The following AGBL4 variants were observed in gnomAD, a reference collection of about 807,000 sequenced individuals.
The protein encoded by AGBL4 is AGBL carboxypeptidase 4.
AGBL4 carries 58 observed loss-of-function variants against 66.4 expected under a neutral mutation model. That is an observed-to-expected ratio of 0.87 (90% CI 0.71 to 1.09). The LOEUF (loss-of-function observed/expected upper bound fraction) is 1.09. Among genes scored for constraint, AGBL4 ranks in the 50% least tolerant of loss-of-function variants. The pLI is 0.00. For missense variants in AGBL4, 579 were observed against 631.0 expected (o/e 0.92, Z 0.88); for synonymous variants, 234 against 222.9 (o/e 1.05, Z -0.44).
intron 12 of AGBL4, among the ~76,000 whole-genome samples, chr1:48,535,476 C>T (rs553931338): frequency 4.6e-5 from 7 of 152,242 alleles, no homozygotes; most frequent in African/African-American, 1.7e-4. Context: ...CGCTTTTTCT[C>T]TATAATTCCT....
At chr1:49,102,051 C>G (rs1047146516) in intron 4 of AGBL4, among the ~76,000 whole-genome samples, 7 of 150,788 alleles carry the variant, frequency 4.6e-5, no homozygotes, top group Admixed American at 6.6e-5. Flanking sequence ...GAGAGAGAGA[C>G]AGAGAAGGGA....
chr1:49,934,898 T>C (rs1653779668), intron 1 of AGBL4, among the ~76,000 whole-genome samples: 1 of 151,302 alleles, frequency 6.6e-6, no homozygotes, highest in Non-Finnish European at 1.5e-5. Context: ...GCTCCCAACG[T>C]GAGCGATACA....
At chr1:49,451,285 A>G (rs925255390) in intron 3 of AGBL4, among the ~76,000 whole-genome samples, 1 of 152,002 alleles carries the variant, frequency 6.6e-6, no homozygotes, top group African/African-American at 2.4e-5. Context: ...TAAAGGACTC[A>G]TGTGATTAGG....
intron 6 of AGBL4, among the ~76,000 whole-genome samples, chr1:48,699,772 G>A (rs888381594): frequency 7.4e-4 from 113 of 152,032 alleles, no homozygotes; most frequent in African/African-American, 8.7e-4. Flanking sequence ...CTTCCTTCCC[G>A]TTTCTATCTT....
At chr1:49,704,277 T>C (rs1000612521) in intron 2 of AGBL4, among the ~76,000 whole-genome samples, 15 of 152,216 alleles carry the variant, frequency 9.9e-5, no homozygotes, top group African/African-American at 3.4e-4. Context: ...TTCAAAATGA[T>C]AGACCTTTAC....
chr1:48,629,643 A>G (rs1245439539), intron 9 of AGBL4, among the ~76,000 whole-genome samples: 1 of 152,118 alleles, frequency 6.6e-6, no homozygotes, highest in African/African-American at 2.4e-5. Context: ...AGTGGGGGGT[A>G]AAATGGGGTA....
intron 2 of AGBL4, among the ~76,000 whole-genome samples, chr1:49,767,070 C>G (rs1374166006): frequency 6.6e-6 from 1 of 152,042 alleles, no homozygotes; most frequent in Non-Finnish European, 1.5e-5. Flanking sequence ...CTAGCAAAGA[C>G]ATTCTGCACA....
intron 3 of AGBL4, among the ~76,000 whole-genome samples, chr1:49,505,775 T>G (rs115431801): frequency 0.011 from 1,662 of 152,116 alleles, 27 homozygotes; most frequent in African/African-American, 0.038. Flanking sequence ...TATACATCTT[T>G]CCCTGGATTT....
chr1:49,397,265 A>G (rs1022705860), intron 3 of AGBL4, among the ~76,000 whole-genome samples: 1 of 152,118 alleles, frequency 6.6e-6, no homozygotes, highest in Non-Finnish European at 1.5e-5. Context: ...AAAAAAAAAA[A>G]TCCTTCTCAG....
At chr1:49,948,027 A>AATATATAAAT (rs1553151826) in intron 1 of AGBL4, among the ~76,000 whole-genome samples, 50 of 75,810 alleles carry the variant, frequency 6.6e-4, no homozygotes, top group African/African-American at 1.3e-3. Flanking sequence ...AATATATATA[A>AATATATAAAT]ATATATATAC....
intron 9 of AGBL4, among the ~76,000 whole-genome samples, chr1:48,629,587 A>ATCTGGGATC (rs1645561090): frequency 6.6e-6 from 1 of 152,104 alleles, no homozygotes; most frequent in South Asian, 2.1e-4. Flanking sequence ...AAGACAAGGG[A>ATCTGGGATC]TCTGGGATCT....
At chr1:49,300,713 T>C (rs1165921775) in intron 3 of AGBL4, among the ~76,000 whole-genome samples, 4 of 152,206 alleles carry the variant, frequency 2.6e-5, no homozygotes, top group Non-Finnish European at 5.9e-5. Flanking sequence ...TAGATGATCT[T>C]TCCTGCATAC....
intron 5 of AGBL4, among the ~76,000 whole-genome samples, chr1:48,973,327 A>G (rs1198861595): frequency 6.6e-6 from 1 of 152,174 alleles, no homozygotes; most frequent in Non-Finnish European, 1.5e-5. Flanking sequence ...TACATATCAC[A>G]TTTTAGGGTG....
At chr1:49,006,244 C>T (rs1661795588) in intron 5 of AGBL4, among the ~76,000 whole-genome samples, 2 of 152,148 alleles carry the variant, frequency 1.3e-5, no homozygotes, top group Non-Finnish European at 2.9e-5. Flanking sequence ...GTTCCCTTTC[C>T]TAGTCAAAGA....
At chr1:49,815,532 C>T (rs1645210270) in intron 2 of AGBL4, among the ~76,000 whole-genome samples, 1 of 152,054 alleles carries the variant, frequency 6.6e-6, no homozygotes, top group South Asian at 2.1e-4. Context: ...GGGTATATAC[C>T]TAGCAGTGGG....
At chr1:48,595,505 G>A (rs1644981846) in intron 9 of AGBL4, among the ~76,000 whole-genome samples, 1 of 152,184 alleles carries the variant, frequency 6.6e-6, no homozygotes, top group African/African-American at 2.4e-5. Flanking sequence ...ATTACAATTT[G>A]GGAATGAGAA....
At chr1:49,623,126 A>C (rs1645399735) in intron 3 of AGBL4, among the ~76,000 whole-genome samples, 1 of 152,156 alleles carries the variant, frequency 6.6e-6, no homozygotes, top group African/African-American at 2.4e-5. Flanking sequence ...TAGATGCAAC[A>C]TATACTTGTC....
intron 3 of AGBL4, among the ~76,000 whole-genome samples, chr1:49,324,861 T>C (rs1645198023): frequency 6.6e-6 from 1 of 152,212 alleles, no homozygotes; most frequent in South Asian, 2.1e-4. Context: ...GAGTGACACA[T>C]AGTGGTCTGA....
intron 11 of AGBL4, among the ~76,000 whole-genome samples, chr1:48,555,247 G>A (rs918355508): frequency 6.6e-6 from 1 of 151,804 alleles, no homozygotes; most frequent in Non-Finnish European, 1.5e-5. Context: ...AATTAATTGA[G>A]AATCTATGAT....
Sources: allele counts gnomAD v4.1 joint callset (sites outside exome capture counted in the v4.1 genomes callset), GRCh38; gene constraint gnomAD v4.1.1; transcripts MANE v1.5; gene names NCBI Gene and HGNC (gene_info 2026-07-23, HGNC 2026-07-21).